The following TRIM37 variants were observed in gnomAD, a reference collection of about 807,000 sequenced individuals.
TRIM37 encodes the protein tripartite motif containing 37, also known as E3 ubiquitin-protein ligase TRIM37.
In TRIM37, 80 loss-of-function variants were observed where a neutral mutation model predicts 129.8. The observed-to-expected ratio is 0.62, with a 90% CI of 0.51 to 0.74. The LOEUF is 0.74. TRIM37 is among the 30% of genes least tolerant of loss of function. TRIM37 has a pLI of 0.00. For synonymous variants in TRIM37, 389 were observed against 387.1 expected (o/e 1.00, Z -0.06); for missense variants, 1,054 against 1,176.5 (o/e 0.90, Z 1.52).
At position 59,060,838 on chromosome 17, in the gene TRIM37, C is replaced by T. The variant is rs924656164; in HGVS notation, c.1019+194G>A. ...CAGATAGTAAAGAGATTTCTAAAAACGCAAAGCAATACAAGTTTTCTTAAA... is the reference window on the plus strand; with the variant it reads ...CAGATAGTAAAGAGATTTCTAAAAATGCAAAGCAATACAAGTTTTCTTAAA... On this transcript the variant is annotated intron_variant, in intron 12 of 23. Coordinates refer to ENST00000262294, the MANE Select transcript of TRIM37 (RefSeq NM_015294.6). Among the ~76,000 whole-genome samples the T allele has an allele frequency of 1.5e-4, 23 of 152,036 alleles. 1 individual carries two copies. The highest frequency in any genetic ancestry group is 1.2e-3 in the South Asian group (6 of 4,834).
chr17:59,078,198 C>G (rs969556686), intron 7 of TRIM37, among the ~76,000 whole-genome samples: 1 of 152,036 alleles, frequency 6.6e-6, no homozygotes, highest in Non-Finnish European at 1.5e-5. Flanking sequence ...GCTTATAAGA[C>G]TATTCTAAAG....
In TRIM37 at chr17:59,091,622, TATA is replaced by T. The variant is rs1207573730; in HGVS notation, c.124-285_124-283del. On this transcript the variant is annotated intron_variant, in intron 2 of 23. Coordinates refer to ENST00000262294, the MANE Select transcript of TRIM37 (RefSeq NM_015294.6). ...TTATATATATAATATATATATAATG[TATA>T]ATAATGTATAATATATTATATAATA... is the stretch of plus-strand genomic sequence containing the variant. 6.3e-3 allele frequency among the ~76,000 whole-genome samples: 862 copies of T among 136,018 alleles called. 3 individuals are homozygous for T. Among genetic ancestry groups the T allele is most frequent in the South Asian group, 0.016 (74 of 4,612 alleles). The allele number at this position is 136,018 out of a possible 152,430, so 89.2% of individuals were successfully genotyped here.
chr17:59,028,972 T>C (rs2037535388), intron 18 of TRIM37, among the ~76,000 whole-genome samples: 1 of 152,204 alleles, frequency 6.6e-6, no homozygotes, highest in Non-Finnish European at 1.5e-5. Context: ...TCTAAAAGTT[T>C]AAAAGCTGCC....
chr17:59,041,256 C>A (rs1312283506), intron 17 of TRIM37, among the ~76,000 whole-genome samples: 1 of 152,174 alleles, frequency 6.6e-6, no homozygotes, highest in Non-Finnish European at 1.5e-5. Flanking sequence ...AATGCTGGGT[C>A]CACAAACCCA....
chr17:59,070,699 GACCCTATCTATAA>G, intron 9 of TRIM37, 111 bp downstream of exon 9: 1 of 1,100,948 alleles, frequency 9.1e-7, no homozygotes. Flanking sequence ...CAACAAGTGA[GACCCTATCTATAA>G]AAGAAAAGAG....
chr17:59,069,484 A>C (rs559174029), intron 9 of TRIM37, among the ~76,000 whole-genome samples: 1 of 152,314 alleles, frequency 6.6e-6, no homozygotes, highest in Non-Finnish European at 1.5e-5. Context: ...TATAACAAAG[A>C]CTGTTTTCTA....
chr17:59,078,386 T>C (rs1599398331), intron 7 of TRIM37, among the ~76,000 whole-genome samples: 3 of 152,158 alleles, frequency 2.0e-5, no homozygotes, highest in African/African-American at 7.2e-5. Context: ...TTCACAGTTA[T>C]ACAGGTAGTA....
intron 9 of TRIM37, among the ~76,000 whole-genome samples, chr17:59,068,558 G>T (rs2042107242): frequency 6.6e-6 from 1 of 152,158 alleles, no homozygotes; most frequent in East Asian, 1.9e-4. Flanking sequence ...AGCAGCCTAG[G>T]GATTTTGGTG....
chr17:59,090,316 A>G (rs1011930830), intron 3 of TRIM37, among the ~76,000 whole-genome samples: 1 of 152,202 alleles, frequency 6.6e-6, no homozygotes, highest in African/African-American at 2.4e-5. Context: ...CATATTTTAC[A>G]TGAAAAAGCA....
intron 4 of TRIM37, among the ~76,000 whole-genome samples, chr17:59,084,923 G>C (rs2043618779): frequency 6.6e-6 from 1 of 152,174 alleles, no homozygotes; most frequent in Admixed American, 6.5e-5. Context: ...ACACCTATCA[G>C]AACTGTGAGA....
intron 3 of TRIM37, among the ~76,000 whole-genome samples, chr17:59,088,932 T>C (rs550393900): frequency 6.6e-6 from 1 of 152,182 alleles, no homozygotes; most frequent in Admixed American, 6.5e-5. Flanking sequence ...CAAAAACATA[T>C]GATTCAGAAT....
At chr17:58,989,669 A>G (rs2032165040) in intron 24 of TRIM37, among the ~76,000 whole-genome samples, 1 of 152,162 alleles carries the variant, frequency 6.6e-6, no homozygotes, top group African/African-American at 2.4e-5. Context: ...TAAAAAAATT[A>G]CCTTAACTGA....
Position 59,070,887 on chromosome 17 carries a change from G to A in TRIM37, c.745C>T (p.Gln249Ter), listed in dbSNP as rs386834005. Residue 249 changes from glutamine (Q) to a stop codon, truncating the protein, a stop_gained, in exon 9 of 24, where the codon CAG (glutamine) becomes TAG (stop). Coordinates refer to ENST00000262294, the MANE Select transcript of TRIM37 (RefSeq NM_015294.6). LOFTEE classifies it high-confidence loss of function. ...SKSSEILMMFQQVHRKPMASF... is the reference protein window; with the variant it reads ...SKSSEILMMF Reference sequence around the variant, plus strand: ...GCCATGGGCTTCCGATGAACTTGCTGAAACATCATAAGGATCTCTGAGCTC... The same window carrying A: ...GCCATGGGCTTCCGATGAACTTGCTAAAACATCATAAGGATCTCTGAGCTC... 1.7e-5 allele frequency: 27 copies of A among 1,614,024 alleles called. No individual in the cohort carries two copies. The highest frequency in any genetic ancestry group is 2.2e-5 in the Non-Finnish European group (26 of 1,179,942).
At chr17:58,992,034 A>G (rs187209414) in intron 24 of TRIM37, among the ~76,000 whole-genome samples, 66 of 152,048 alleles carry the variant, frequency 4.3e-4, no homozygotes, top group Middle Eastern at 3.4e-3. Context: ...TCAGCTGATT[A>G]CAAATTTGGG....
At chr17:59,042,449 A>AATAT (rs71145518) in intron 16 of TRIM37, among the ~76,000 whole-genome samples, 31 of 36,022 alleles carry the variant, frequency 8.6e-4, no homozygotes, top group East Asian at 8.4e-3. Flanking sequence ...AAAAAAAAAA[A>AATAT]ATATATATAT....
intron 5 of TRIM37, among the ~76,000 whole-genome samples, chr17:59,081,944 A>T (rs544924033): frequency 0.018 from 2,173 of 119,752 alleles, 76 homozygotes; most frequent in African/African-American, 0.073. Flanking sequence ...AACCAAAAAA[A>T]AAAAAAAATA....
the TRIM37 span, among the ~76,000 whole-genome samples, chr17:58,972,567 TCTTGAA>T: frequency 6.6e-6 from 1 of 152,130 alleles, no homozygotes; most frequent in Non-Finnish European, 1.5e-5. Context: ...GCCAGGCTGG[TCTTGAA>T]CTCCTGACTT....
rs2039196395 is a variant in TRIM37 at position 59,041,853 on chromosome 17, C to T, written c.1713G>A (p.Glu571=). The T allele has an allele frequency of 1.2e-6, 2 of 1,613,806 alleles. No homozygotes were observed. Among genetic ancestry groups the T allele is most frequent in the Non-Finnish European group, 1.7e-6 (2 of 1,179,878 alleles). ...CAGCTGCATCTTCCATGAGTTCTCC[C>T]TCTTCTAATTCCATGTTGTTATATT... is the stretch of plus-strand genomic sequence containing the variant. ...DVEYNNMELE[E]GELMEDAAAA... Residue 571 remains glutamate (E), a synonymous_variant, in exon 17 of 24, where the codon GAG becomes GAA. Transcript: ENST00000262294.
chr17:59,056,716 CAAAAAAAAAAAAAAAAAAAAAA>C (rs869221576), intron 13 of TRIM37, among the ~76,000 whole-genome samples, 137 bp downstream of exon 13: 2 of 38,038 alleles, frequency 5.3e-5, no homozygotes, highest in African/African-American at 1.6e-4. Context: ...ACTATGTCTC[CAAAAAAAAAAAAAAAAAAAAAA>C]AAAAAAAAAG....
Sources: gnomAD v4.1 joint callset for allele counts (sites outside exome capture counted in the v4.1 genomes callset) on GRCh38, gnomAD v4.1.1 for gene constraint, MANE v1.5 for transcripts, NCBI Gene and HGNC (gene_info 2026-07-23, HGNC 2026-07-21) for gene names.